The following RIF1 variants were observed in gnomAD, a reference collection of about 807,000 sequenced individuals.
RIF1 encodes telomere-associated protein RIF1.
In RIF1, 45 loss-of-function variants were observed where a neutral mutation model predicts 247.1. The observed-to-expected ratio is 0.18, with a 90% CI of 0.14 to 0.23. RIF1 has a LOEUF of 0.23. Ranked by LOEUF, RIF1 falls within the 10% of genes least tolerant of loss-of-function variation. RIF1 has a pLI of 1.00. For missense variants in RIF1, 2,967 were observed against 2,862.5 expected (o/e 1.04, Z -0.83); for synonymous variants, 1,087 against 978.8 (o/e 1.11, Z -2.06).
chr2:151,520,838 T>C, the RIF1 span, among the ~76,000 whole-genome samples: 227 of 152,044 alleles, frequency 1.5e-3, no homozygotes, highest in Non-Finnish European at 2.2e-3. Context: ...CACTCCATCG[T>C]GGGCAACAGA....
chr2:151,445,489 T>C, intron 19 of RIF1, 44 bp downstream of exon 19: 1 of 961,816 alleles, frequency 1.0e-6, no homozygotes, highest in Non-Finnish European at 1.7e-6. Flanking sequence ...TTTGTATTTT[T>C]CTGAAAATAT....
At chr2:151,482,251 GTTTAA>G (rs775690575), downstream of RIF1, 1 of 152,150 alleles carries the variant, frequency 6.6e-6, no homozygotes, top group Non-Finnish European at 1.5e-5. Flanking sequence ...AGTATGAATA[GTTTAA>G]TTCAAATACC....
intron 10 of RIF1, among the ~76,000 whole-genome samples, chr2:151,495,803 T>C (rs1382314226): frequency 6.6e-6 from 1 of 152,198 alleles, no homozygotes; most frequent in East Asian, 1.9e-4. Flanking sequence ...ATATCATTAT[T>C]CTTGAAGGAG....
rs114059682 is a variant in RIF1, at chr2:151,429,034, A to C, written c.925+112A>C. ...TTAAGTTGAAGTTAAGTAACTACTG[A>C]ATTATTTTCATTTTAAGGGAACAGG... On this transcript the variant is annotated intron_variant, in intron 9 of 35. Transcript: ENST00000444746. 10 of 650,262 alleles carry C rather than the reference A, an allele frequency of 1.5e-5. No homozygotes were observed. The African/African-American group carries it at 1.8e-4, about 12-fold the overall frequency. 40.3% of individuals were successfully genotyped at this position (650,262 alleles called of 1,614,324 possible). A position where few individuals can be genotyped will look rare whatever the true frequency, so the allele number is the denominator to read the frequency against.
chr2:151,493,449 G>A, intron 9 of RIF1: 1 of 1,568,378 alleles, frequency 6.4e-7, no homozygotes, highest in South Asian at 1.2e-5. Context: ...ACAATACCTA[G>A]GGAAGCCAAA....
the RIF1 span, chr2:151,514,968 C>G: frequency 1.5e-6 from 2 of 1,303,682 alleles, no homozygotes; most frequent in Non-Finnish European, 2.2e-6. Flanking sequence ...AAAAAAAAAT[C>G]TTTATTACAA....
chr2:151,502,762 ATT>A (rs201290038), intron 11 of RIF1: 3,968 of 1,014,410 alleles, frequency 3.9e-3, no homozygotes, highest in Admixed American at 5.1e-3. Flanking sequence ...AAATTAAGGG[ATT>A]TTTTTTTTTT....
intron 4 of RIF1, among the ~76,000 whole-genome samples, chr2:151,415,775 G>A (rs1259411618): frequency 6.6e-6 from 1 of 151,992 alleles, no homozygotes; most frequent in Non-Finnish European, 1.5e-5. Flanking sequence ...TACTCGGGAG[G>A]CTGAGGCAGG....
intron 9 of RIF1, chr2:151,490,226 G>T: frequency 1.7e-6 from 2 of 1,178,380 alleles, no homozygotes; most frequent in Non-Finnish European, 2.4e-6. Context: ...CTAACTTCAT[G>T]CAGCCCTCCA....
intron 10 of RIF1, among the ~76,000 whole-genome samples, chr2:151,495,820 A>G (rs1307126925): frequency 1.3e-5 from 2 of 152,206 alleles, no homozygotes; most frequent in Non-Finnish European, 2.9e-5. Context: ...GGAGGGGATC[A>G]GGGATTATTT....
At chr2:151,487,328 C>A (rs913120595) in intron 9 of RIF1, among the ~76,000 whole-genome samples, 5 of 152,190 alleles carry the variant, frequency 3.3e-5, no homozygotes, top group African/African-American at 1.2e-4. Context: ...CTAGGAGCAG[C>A]CACTGGTTAG....
intron 34 of RIF1, among the ~76,000 whole-genome samples, chr2:151,470,901 T>G (rs987682078): frequency 2.6e-5 from 4 of 152,046 alleles, no homozygotes; most frequent in African/African-American, 4.8e-5. Context: ...GAGAATTAGG[T>G]TTTTTTTAAC....
chr2:151,533,968 G>T, the RIF1 span, among the ~76,000 whole-genome samples: 2 of 152,196 alleles, frequency 1.3e-5, no homozygotes, highest in Non-Finnish European at 2.9e-5. Flanking sequence ...TTCTCCAGAA[G>T]AGTAAAGGAT....
intron 21 of RIF1, among the ~76,000 whole-genome samples, chr2:151,454,263 C>T (rs953979131): frequency 1.3e-5 from 2 of 152,056 alleles, no homozygotes; most frequent in Non-Finnish European, 1.5e-5. Context: ...ATTTTTTGGG[C>T]AAGGGCTATG....
chr2:151,473,888 T>C, intron 34 of RIF1, 76 bp from the exon 35 acceptor site: 1 of 778,782 alleles, frequency 1.3e-6, no homozygotes, highest in South Asian at 1.4e-5. Flanking sequence ...TTTGTACTAT[T>C]ACTCCTATTA....
rs1252263654 is a variant in RIF1, at chr2:151,477,144, A to C, written c.*2073A>C. ...GCTAAATCTTCATTTTGCTATGGCT[A>C]TAAGCATATATTTTTGGCAACTTAT... is the stretch of plus-strand genomic sequence containing the variant. On this transcript the variant is annotated 3_prime_UTR_variant, in exon 36 of 36. Coordinates refer to ENST00000444746, the MANE Select transcript of RIF1 (RefSeq NM_018151.5). 1 of 152,250 alleles carries C rather than the reference A, an allele frequency of 6.6e-6. No homozygotes were observed. Among genetic ancestry groups the C allele is most frequent in the Non-Finnish European group, 1.5e-5 (1 of 68,038 alleles). 9.4% of individuals were successfully genotyped at this position (152,250 alleles called of 1,614,324 possible).
At chr2:151,431,122 A>G (rs1317491834) in intron 9 of RIF1, among the ~76,000 whole-genome samples, 1 of 152,212 alleles carries the variant, frequency 6.6e-6, no homozygotes, top group Non-Finnish European at 1.5e-5. Context: ...AGTTAAAAAT[A>G]AGTTCAGAGC....
At chr2:151,500,412 G>GC (rs1446706301) in intron 11 of RIF1, among the ~76,000 whole-genome samples, 2 of 119,056 alleles carry the variant, frequency 1.7e-5, no homozygotes, top group African/African-American at 5.9e-5. Flanking sequence ...AAGCTTCAGA[G>GC]TTGTATATAA....
chr2:151,491,545 G>A, intron 9 of RIF1: 1 of 738,704 alleles, frequency 1.4e-6, no homozygotes, highest in Non-Finnish European at 2.3e-6. Flanking sequence ...TAGTTAACAA[G>A]GTATTTTTAT....
Sources: gnomAD v4.1 joint callset for allele counts (sites outside exome capture counted in the v4.1 genomes callset) on GRCh38, gnomAD v4.1.1 for gene constraint, MANE v1.5 for transcripts, NCBI Gene and HGNC (gene_info 2026-07-23, HGNC 2026-07-21) for gene names.